ADAMTS17: variants seen among roughly 807,000 people sequenced by gnomAD.
The protein encoded by ADAMTS17 is ADAM metallopeptidase with thrombospondin type 1 motif 17.
A neutral mutation model predicts 141.5 loss-of-function variants in ADAMTS17; 113 were observed. The observed-to-expected ratio is 0.80, with a 90% CI of 0.69 to 0.93. ADAMTS17 has a LOEUF of 0.93. ADAMTS17 is among the 40% of genes least tolerant of loss of function. ADAMTS17 has a pLI of 0.00. For missense variants in ADAMTS17, 1,659 were observed against 1,517.9 expected (o/e 1.09, Z -1.54); for synonymous variants, 768 against 630.6 (o/e 1.22, Z -3.27).
At chr15:100,340,949 A>G (rs2046345268) in intron 2 of ADAMTS17, 90 bp downstream of exon 2, 1 of 1,491,306 alleles carries the variant, frequency 6.7e-7, no homozygotes, top group Non-Finnish European at 9.0e-7. Context: ...CTGGACTTCC[A>G]GCAGAGGCGC....
Position 100,058,317 on chromosome 15 carries a change from G to A in ADAMTS17, c.2138-4263C>T, listed in dbSNP as rs866294135. 1.1e-3 allele frequency among the ~76,000 whole-genome samples: 172 copies of A among 151,292 alleles called. 1 individual carries two copies. The highest frequency in any genetic ancestry group is 3.7e-3 in the African/African-American group (152 of 41,068). Reference sequence around the variant, plus strand: ...ATCCCGGCTCTAACACCCCTATCCCGGCTCTAACACCCCTATCCCGGCTCT... The same window carrying A: ...ATCCCGGCTCTAACACCCCTATCCCAGCTCTAACACCCCTATCCCGGCTCT... On this transcript the variant is annotated intron_variant, in intron 15 of 21. Transcript: ENST00000268070.
rs1222182156 is a variant in ADAMTS17 at position 100,255,270 on chromosome 15, C to T, written c.1032-1091G>A. 3.9e-5 allele frequency among the ~76,000 whole-genome samples: 6 copies of T among 152,238 alleles called. No individual in the cohort carries two copies. In the South Asian group the frequency reaches 6.2e-4, roughly 16 times the overall value. On this transcript the variant is annotated intron_variant, in intron 6 of 21. Transcript: ENST00000268070. Reference sequence around the variant, plus strand: ...AGGGTTGGCTGGGGCAGGACTCAGCCGGCTGAGGAGCCACAACCTGGCCCA... The same window carrying T: ...AGGGTTGGCTGGGGCAGGACTCAGCTGGCTGAGGAGCCACAACCTGGCCCA...
intron 18 of ADAMTS17, among the ~76,000 whole-genome samples, chr15:100,031,117 T>A (rs1307519151): frequency 6.6e-6 from 1 of 152,210 alleles, no homozygotes; most frequent in East Asian, 1.9e-4. Context: ...GGCAAGATCA[T>A]GTAACTTGCC....
intron 15 of ADAMTS17, among the ~76,000 whole-genome samples, chr15:100,072,387 A>G (rs2034039583): frequency 6.7e-6 from 1 of 149,508 alleles, no homozygotes; most frequent in African/African-American, 2.5e-5. Flanking sequence ...GACTTTCTTC[A>G]CAGAATTGGA....
At chr15:100,065,379 T>C (rs1263723094) in intron 15 of ADAMTS17, among the ~76,000 whole-genome samples, 1 of 152,228 alleles carries the variant, frequency 6.6e-6, no homozygotes, top group Non-Finnish European at 1.5e-5. Flanking sequence ...AAAAAGTATA[T>C]TGATCTATAG....
chr15:100,083,570 G>A (rs149380519), intron 15 of ADAMTS17, among the ~76,000 whole-genome samples: 1 of 152,054 alleles, frequency 6.6e-6, no homozygotes, highest in Non-Finnish European at 1.5e-5. Context: ...GTTTAGCAGT[G>A]TCCTTCAGCC....
In ADAMTS17 at chr15:99,997,577, GCCTGCCACCC is replaced by G; in HGVS notation, c.2594_2603del (p.Trp865SerfsTer19). 1 of 1,613,152 alleles carries G rather than the reference GCCTGCCACCC, an allele frequency of 6.2e-7. No individual in the cohort carries two copies. The highest frequency in any genetic ancestry group is 8.5e-7 in the Non-Finnish European group (1 of 1,179,960). ...AGGTCGCCGAGCAGGGGCTCCACGG[GCCTGCCACCC>G]ACCTGCCAGACGGGAGGAAAGAGAG... On this transcript the variant is annotated frameshift_variant and splice_region_variant, in exon 19 of 22. Transcript: ENST00000268070. LOFTEE classifies it high-confidence loss of function. The surrounding 1 kb of genome is among the most constrained non-coding windows in gnomAD (Gnocchi z 4.7).
chr15:100,286,443 G>A (rs145474047), intron 3 of ADAMTS17, among the ~76,000 whole-genome samples: 1,704 of 152,308 alleles, frequency 0.011, 15 homozygotes, highest in Non-Finnish European at 0.017. Context: ...GGGGCCAGCA[G>A]ACCGGGAACA....
chr15:100,024,308 C>T (rs1184060990), intron 18 of ADAMTS17, among the ~76,000 whole-genome samples: 1 of 152,196 alleles, frequency 6.6e-6, no homozygotes, highest in Admixed American at 6.5e-5. Context: ...GTTGCCCTGG[C>T]TGGTCTCAAA....
At chr15:100,200,221 C>T (rs945346203) in intron 7 of ADAMTS17, among the ~76,000 whole-genome samples, 3 of 152,220 alleles carry the variant, frequency 2.0e-5, no homozygotes, top group Non-Finnish European at 2.9e-5. Flanking sequence ...GTGGAGGCCG[C>T]ATCCCAAGGA....
At chr15:100,188,369 G>A (rs1417884223) in intron 8 of ADAMTS17, among the ~76,000 whole-genome samples, 7 of 150,908 alleles carry the variant, frequency 4.6e-5, no homozygotes, top group African/African-American at 7.3e-5. Context: ...GAGCTACCAC[G>A]CCCGGCCACG....
chr15:100,201,425 T>C (rs923569472), intron 7 of ADAMTS17, among the ~76,000 whole-genome samples: 1 of 152,178 alleles, frequency 6.6e-6, no homozygotes, highest in Non-Finnish European at 1.5e-5. Context: ...TCCCCAGCCA[T>C]GCAGAACTGA....
chr15:100,273,215 A>C (rs1209170007), intron 4 of ADAMTS17, among the ~76,000 whole-genome samples: 1 of 152,166 alleles, frequency 6.6e-6, no homozygotes. Context: ...AGTCTCACAG[A>C]ATGAGTTAGG....
intron 18 of ADAMTS17, among the ~76,000 whole-genome samples, chr15:99,998,186 C>G (rs1032677097): frequency 5.3e-5 from 8 of 152,222 alleles, no homozygotes; most frequent in Non-Finnish European, 1.5e-5. Flanking sequence ...TTAACCAGAA[C>G]TAGGCCCTCC....
intron 7 of ADAMTS17, among the ~76,000 whole-genome samples, chr15:100,205,608 G>A (rs528812341): frequency 7.1e-4 from 108 of 152,226 alleles, no homozygotes; most frequent in African/African-American, 2.5e-3. Flanking sequence ...TCTGAAACAG[G>A]CCCTGATGCC....
chr15:100,082,674 G>C (rs1175733309), intron 15 of ADAMTS17, among the ~76,000 whole-genome samples: 1 of 149,428 alleles, frequency 6.7e-6, no homozygotes, highest in African/African-American at 2.5e-5. Context: ...ATGGCATTCT[G>C]TTCTTGTTTT....
chr15:100,056,580 T>G (rs1009888772), intron 15 of ADAMTS17, among the ~76,000 whole-genome samples: 1 of 152,274 alleles, frequency 6.6e-6, no homozygotes, highest in Middle Eastern at 3.4e-3. Context: ...TATGAGAATC[T>G]AATGTCCCAC....
At chr15:100,199,744 A>C (rs2041251420) in intron 7 of ADAMTS17, among the ~76,000 whole-genome samples, 1 of 152,186 alleles carries the variant, frequency 6.6e-6, no homozygotes, top group Admixed American at 6.5e-5. Context: ...AACTCTCCCA[A>C]GGTCACCTGG....
At chr15:100,223,331 CTCT>C (rs1050028468) in intron 7 of ADAMTS17, among the ~76,000 whole-genome samples, 13 of 152,168 alleles carry the variant, frequency 8.5e-5, no homozygotes, top group African/African-American at 3.1e-4. Context: ...AAAGCACTGA[CTCT>C]TTTTTTTCAG....
Sources: allele counts gnomAD v4.1 joint callset (sites outside exome capture counted in the v4.1 genomes callset), GRCh38; gene constraint gnomAD v4.1.1; non-coding constraint Gnocchi (gnomAD v3.1); transcripts MANE v1.5; gene names NCBI Gene and HGNC (gene_info 2026-07-23, HGNC 2026-07-21).